MACROD2: variants seen among roughly 807,000 people sequenced by gnomAD.
MACROD2 encodes the protein ADP-ribose glycohydrolase MACROD2.
MACROD2 carries 36 observed loss-of-function variants against 70.4 expected under a neutral mutation model. That is an observed-to-expected ratio of 0.51 (90% CI 0.39 to 0.68). The LOEUF is 0.68. Ranked by LOEUF, MACROD2 falls within the 30% of genes least tolerant of loss-of-function variation. The pLI, the probability that MACROD2 is intolerant of heterozygous loss-of-function variation, is 0.00. For missense variants in MACROD2, 496 were observed against 538.4 expected (o/e 0.92, Z 0.78); for synonymous variants, 172 against 178.8 (o/e 0.96, Z 0.30).
At chr20:14,124,162 A>G (rs996177156) in intron 3 of MACROD2, among the ~76,000 whole-genome samples, 5 of 151,882 alleles carry the variant, frequency 3.3e-5, no homozygotes, top group Non-Finnish European at 5.9e-5. Flanking sequence ...CATGCATAAA[A>G]CTCTTTTTGA....
intron 5 of MACROD2, among the ~76,000 whole-genome samples, chr20:15,136,763 G>A (rs1393559001): frequency 1.3e-5 from 2 of 152,060 alleles, no homozygotes; most frequent in Non-Finnish European, 2.9e-5. Context: ...ACTACCGTCA[G>A]AATGAACAGG....
intron 3 of MACROD2, among the ~76,000 whole-genome samples, chr20:14,466,944 A>C (rs1473797794): frequency 6.6e-6 from 1 of 151,860 alleles, no homozygotes; most frequent in Non-Finnish European, 1.5e-5. Flanking sequence ...GTCCGCCCCT[A>C]CTCGGGGGTG....
chr20:14,199,161 C>A (rs1370288549), intron 3 of MACROD2, among the ~76,000 whole-genome samples: 1 of 152,148 alleles, frequency 6.6e-6, no homozygotes, highest in African/African-American at 2.4e-5. Flanking sequence ...ATACATACAG[C>A]TTTTTGCCTA....
At chr20:14,958,166 C>G (rs1241128881) in intron 5 of MACROD2, among the ~76,000 whole-genome samples, 1 of 152,118 alleles carries the variant, frequency 6.6e-6, no homozygotes. Context: ...TATGTATTAC[C>G]TTCTGTATTT....
intron 7 of MACROD2, among the ~76,000 whole-genome samples, chr20:15,471,306 C>T (rs915938055): frequency 1.3e-5 from 2 of 152,224 alleles, no homozygotes; most frequent in African/African-American, 2.4e-5. Flanking sequence ...TTGCCTACTA[C>T]ATCCTTCCCT....
intron 3 of MACROD2, among the ~76,000 whole-genome samples, chr20:14,105,672 G>A (rs961466156): frequency 6.6e-6 from 1 of 152,166 alleles, no homozygotes. Flanking sequence ...ACCAAATGGG[G>A]CAGCTAAGGG....
intron 5 of MACROD2, among the ~76,000 whole-genome samples, chr20:15,215,162 T>C (rs1389604821): frequency 6.6e-6 from 1 of 152,084 alleles, no homozygotes; most frequent in Non-Finnish European, 1.5e-5. Context: ...AAAACAATGC[T>C]GTCATCAATT....
At chr20:15,251,557 A>G (rs1209192469) in intron 6 of MACROD2, among the ~76,000 whole-genome samples, 1 of 152,214 alleles carries the variant, frequency 6.6e-6, no homozygotes, top group Non-Finnish European at 1.5e-5. Context: ...ACGTCAGAGA[A>G]TACTCATTCA....
At chr20:15,165,493 A>G (rs1039303701) in intron 5 of MACROD2, among the ~76,000 whole-genome samples, 3 of 152,224 alleles carry the variant, frequency 2.0e-5, no homozygotes, top group Admixed American at 1.3e-4. Context: ...TCGGAAACTT[A>G]GATATGATGA....
chr20:14,969,269 GGT>G (rs2074668045), intron 5 of MACROD2, among the ~76,000 whole-genome samples: 1 of 151,312 alleles, frequency 6.6e-6, no homozygotes, highest in Non-Finnish European at 1.5e-5. Flanking sequence ...TCAATGATCT[GGT>G]GGCCTTTTGT....
At chr20:14,789,926 G>A (rs181069260) in intron 5 of MACROD2, among the ~76,000 whole-genome samples, 1 of 151,940 alleles carries the variant, frequency 6.6e-6, no homozygotes, top group Non-Finnish European at 1.5e-5. Context: ...ATGTAGTTTT[G>A]AAATAGGAAA....
At chr20:15,082,334 T>C (rs1021201646) in intron 5 of MACROD2, among the ~76,000 whole-genome samples, 2 of 152,096 alleles carry the variant, frequency 1.3e-5, no homozygotes, top group Admixed American at 1.3e-4. Context: ...TATGGTCAGA[T>C]TGTGTTTTAG....
chr20:14,644,296 ATC>A (rs1985255696), intron 4 of MACROD2, among the ~76,000 whole-genome samples: 1 of 152,160 alleles, frequency 6.6e-6, no homozygotes, highest in African/African-American at 2.4e-5. Context: ...TCTACAGTAA[ATC>A]TGTTAGAAAG....
At chr20:14,918,252 A>G (rs2122625346) in intron 5 of MACROD2, among the ~76,000 whole-genome samples, 1 of 152,336 alleles carries the variant, frequency 6.6e-6, no homozygotes, top group South Asian at 2.1e-4. Flanking sequence ...CTGGGATTAC[A>G]GGCATGAGCA....
At chr20:15,871,636 T>A (rs1339127713) in intron 9 of MACROD2, among the ~76,000 whole-genome samples, 1 of 152,140 alleles carries the variant, frequency 6.6e-6, no homozygotes, top group East Asian at 1.9e-4. Flanking sequence ...ATTGGGACAG[T>A]TTTCATGAAG....
At chr20:14,437,994 A>G (rs905980069) in intron 3 of MACROD2, among the ~76,000 whole-genome samples, 3 of 152,152 alleles carry the variant, frequency 2.0e-5, no homozygotes, top group Non-Finnish European at 4.4e-5. Context: ...CCTGAAAAAA[A>G]TATACTGCTA....
At chr20:15,405,048 A>G (rs2045980940) in intron 6 of MACROD2, among the ~76,000 whole-genome samples, 1 of 152,246 alleles carries the variant, frequency 6.6e-6, no homozygotes, top group South Asian at 2.1e-4. Context: ...CACATAGTGT[A>G]TGATTACATT....
intron 2 of MACROD2, among the ~76,000 whole-genome samples, chr20:14,042,889 C>T (rs760645327): frequency 4.0e-5 from 6 of 151,572 alleles, no homozygotes; most frequent in Non-Finnish European, 8.8e-5. Flanking sequence ...CCCATTACTC[C>T]TGATACCAGT....
chr20:14,624,749 A>G (rs1406644267), intron 4 of MACROD2, among the ~76,000 whole-genome samples: 1 of 152,176 alleles, frequency 6.6e-6, no homozygotes, highest in Admixed American at 6.5e-5. Context: ...GCTCACACCA[A>G]TAGCTGCATC....
Sources: gnomAD v4.1 joint callset for allele counts (sites outside exome capture counted in the v4.1 genomes callset) on GRCh38, gnomAD v4.1.1 for gene constraint, MANE v1.5 for transcripts, NCBI Gene and HGNC (gene_info 2026-07-23, HGNC 2026-07-21) for gene names.